The following MB variants were observed in gnomAD, a reference collection of about 807,000 sequenced individuals.
MB encodes the protein nitrite reductase MB.
In MB, 10 loss-of-function variants were observed where a neutral mutation model predicts 14.5. That is an observed-to-expected ratio of 0.69 (90% CI 0.43 to 1.17). The LOEUF is 1.17. Among genes scored for constraint, MB ranks in the 50% most tolerant of loss-of-function variants. The pLI is 0.00. For missense variants in MB, 169 were observed against 192.7 expected (o/e 0.88, Z 0.73); for synonymous variants, 89 against 78.6 (o/e 1.13, Z -0.70).
chr22:35,623,238 G>A (rs1174825873), exon 1 of MB: 4 of 152,328 alleles, frequency 2.6e-5, no homozygotes, highest in African/African-American at 9.6e-5. Flanking sequence ...TGGGACCCAG[G>A]TAGTCTGGCT....
intron 1 of MB, among the ~76,000 whole-genome samples, chr22:35,616,000 G>A (rs5755797): frequency 0.67 from 102,096 of 151,752 alleles, 35,918 homozygotes; most frequent in East Asian, 0.93. Flanking sequence ...CGAGGTAGAC[G>A]GAAGCTGGAA....
At chr22:35,615,761 C>T (rs1320107488) in intron 1 of MB, 1 of 152,206 alleles carries the variant, frequency 6.6e-6, no homozygotes, top group African/African-American at 2.4e-5. Context: ...ATCTGTGGCC[C>T]AGGAGTTGAT....
chr22:35,622,911 AT>A (rs1923563340), intron 1 of MB, among the ~76,000 whole-genome samples: 2 of 152,032 alleles, frequency 1.3e-5, no homozygotes, highest in African/African-American at 2.4e-5. Context: ...CGCTCTACCC[AT>A]TCCCAGCAGA....
chr22:35,616,992 C>T (rs2145923089), intron 1 of MB, 171 bp downstream of exon 1: 3 of 595,888 alleles, frequency 5.0e-6, no homozygotes, highest in East Asian at 5.8e-5. Flanking sequence ...TTTCCCTCTC[C>T]TGAGTCCAAT....
chr22:35,616,463 T>C (rs1356941130), intron 1 of MB, among the ~76,000 whole-genome samples: 1 of 152,218 alleles, frequency 6.6e-6, no homozygotes, highest in Non-Finnish European at 1.5e-5. Flanking sequence ...CTATCTTCTG[T>C]TCTCTAATTG....
intron 1 of MB, among the ~76,000 whole-genome samples, chr22:35,611,389 G>A (rs1922618774): frequency 6.6e-6 from 1 of 152,168 alleles, no homozygotes; most frequent in African/African-American, 2.4e-5. Flanking sequence ...CCGAGGTTCT[G>A]AGGCGTAAAG....
intron 1 of MB, among the ~76,000 whole-genome samples, chr22:35,614,546 G>C (rs542834450): frequency 6.6e-6 from 1 of 150,940 alleles, no homozygotes; most frequent in African/African-American, 2.4e-5. Context: ...TTGAATTCCA[G>C]CTCCTTTCTT....
At chr22:35,621,837 C>T (rs1923484820), upstream of MB, 1 of 152,164 alleles carries the variant, frequency 6.6e-6, no homozygotes, top group South Asian at 2.1e-4. Flanking sequence ...CCTCCCCAGG[C>T]AAGGCAAGTC....
upstream of MB, chr22:35,617,574 G>A: frequency 3.2e-6 from 1 of 317,412 alleles, no homozygotes. Flanking sequence ...AGAAGGGGAG[G>A]AGGTTGGGCA....
upstream of MB, chr22:35,617,538 G>A (rs981859970): frequency 2.4e-5 from 10 of 417,090 alleles, no homozygotes; most frequent in African/African-American, 2.1e-4. Flanking sequence ...CAGGCCACAG[G>A]GGGTGGGGTG....
upstream of MB, among the ~76,000 whole-genome samples, chr22:35,620,620 C>A (rs1391223285): frequency 2.6e-5 from 4 of 152,192 alleles, no homozygotes; most frequent in Non-Finnish European, 5.9e-5. Flanking sequence ...CACATCTGAC[C>A]TGGGGCCCCC....
intron 1 of MB, 171 bp downstream of exon 1, chr22:35,616,992 C>A: frequency 1.7e-6 from 1 of 595,888 alleles, no homozygotes; most frequent in Non-Finnish European, 3.0e-6. Context: ...TTTCCCTCTC[C>A]TGAGTCCAAT....
chr22:35,619,839 G>A (rs1028002390), upstream of MB, among the ~76,000 whole-genome samples: 1 of 152,164 alleles, frequency 6.6e-6, no homozygotes, highest in Non-Finnish European at 1.5e-5. Flanking sequence ...CTCCCTGGAG[G>A]AGCCTTGTGT....
upstream of MB, among the ~76,000 whole-genome samples, chr22:35,620,894 A>G (rs1474338704): frequency 1.3e-5 from 2 of 152,190 alleles, no homozygotes; most frequent in Admixed American, 1.3e-4. Flanking sequence ...ATATGAAGCT[A>G]TCACCCGCTT....
chr22:35,614,087 G>A (rs1422534438), intron 1 of MB, among the ~76,000 whole-genome samples: 1 of 152,196 alleles, frequency 6.6e-6, no homozygotes, highest in African/African-American at 2.4e-5. Flanking sequence ...TGGTTCATCA[G>A]ACAGATCTTC....
chr22:35,617,685 G>T (rs1188229610), upstream of MB: 3 of 172,758 alleles, frequency 1.7e-5, no homozygotes, highest in Non-Finnish European at 2.5e-5. Flanking sequence ...AAGAGGACCT[G>T]TCATGTTTCT....
intron 1 of MB, among the ~76,000 whole-genome samples, chr22:35,611,478 T>G (rs1922625657): frequency 6.6e-6 from 1 of 152,206 alleles, no homozygotes; most frequent in South Asian, 2.1e-4. Context: ...ACAGCAGTTC[T>G]AGTCCACGCT....
In MB at chr22:35,608,138, G is replaced by A. The variant is rs117414709; in HGVS notation, c.319-695C>T. On this transcript the variant is annotated intron_variant, in intron 2 of 2. Transcript: ENST00000397326. The surrounding 1 kb of genome is among the most constrained non-coding windows in gnomAD (Gnocchi z 4.3). ...TTTAGTACCCACAGTCTCACTGCCC[G>A]GATAACAGAGATGGGCATGGGAAAA... 3.9e-5 allele frequency among the ~76,000 whole-genome samples: 6 copies of A among 152,306 alleles called. No homozygotes were observed. Among genetic ancestry groups the A allele is most frequent in the South Asian group, 2.1e-4 (1 of 4,828 alleles).
At chr22:35,610,811 C>T in intron 2 of MB, 73 bp downstream of exon 2, 1 of 1,223,984 alleles carries the variant, frequency 8.2e-7, no homozygotes. Context: ...TGAGCTTGGA[C>T]TCGAACCCAG....
Sources: allele counts gnomAD v4.1 joint callset (sites outside exome capture counted in the v4.1 genomes callset), GRCh38; gene constraint gnomAD v4.1.1; non-coding constraint Gnocchi (gnomAD v3.1); transcripts MANE v1.5; gene names NCBI Gene and HGNC (gene_info 2026-07-23, HGNC 2026-07-21).